The following LEPR variants were observed in gnomAD, a reference collection of about 807,000 sequenced individuals.
LEPR encodes OB receptor.
LEPR carries 56 observed loss-of-function variants against 114.7 expected under a neutral mutation model. That is an observed-to-expected ratio of 0.49 (90% confidence interval 0.39 to 0.61). The LOEUF (loss-of-function observed/expected upper bound fraction) is 0.61, where lower values mean the gene tolerates loss of function less well. Ranked by LOEUF, LEPR falls within the 20% of genes least tolerant of loss-of-function variation. The pLI is 0.00. For missense variants in LEPR, 1,202 were observed against 1,352.9 expected (o/e 0.89, Z 1.75); for synonymous variants, 443 against 461.4 (o/e 0.96, Z 0.51).
chr1:65,434,220 CAG>C, intron 2 of LEPR: 3 of 979,034 alleles, frequency 3.1e-6, no homozygotes, highest in Non-Finnish European at 3.6e-6. Flanking sequence ...ATCATTTAAA[CAG>C]TAAATATTAA....
intron 2 of LEPR, among the ~76,000 whole-genome samples, chr1:65,484,807 G>A (rs1392994703): frequency 6.6e-6 from 1 of 152,178 alleles, no homozygotes. Context: ...GTTATCAGAT[G>A]CATCCTTCAA....
chr1:65,581,735 C>T (rs1033941531), intron 5 of LEPR, among the ~76,000 whole-genome samples: 2 of 152,116 alleles, frequency 1.3e-5, no homozygotes, highest in South Asian at 4.1e-4. Context: ...GTTTAAGGGC[C>T]CTTTCTTCAA....
chr1:65,490,480 G>A (rs1035693004), intron 2 of LEPR, among the ~76,000 whole-genome samples: 7 of 151,874 alleles, frequency 4.6e-5, no homozygotes, highest in Non-Finnish European at 8.8e-5. Context: ...AAATTCCCTT[G>A]GACTTCTTAA....
chr1:65,569,627 A>T (rs1654012752), intron 3 of LEPR, among the ~76,000 whole-genome samples: 2 of 149,888 alleles, frequency 1.3e-5, no homozygotes, highest in South Asian at 2.1e-4. Context: ...GAATTGCTTG[A>T]ACCCGGGAAG....
intron 2 of LEPR, among the ~76,000 whole-genome samples, chr1:65,505,986 A>G (rs1648706694): frequency 1.3e-5 from 2 of 152,186 alleles, no homozygotes; most frequent in Admixed American, 1.3e-4. Context: ...TTGTGAAACA[A>G]TGTTGATAAT....
At chr1:65,627,580 A>G (rs1307058301) in intron 19 of LEPR, among the ~76,000 whole-genome samples, 1 of 152,198 alleles carries the variant, frequency 6.6e-6, no homozygotes, top group Non-Finnish European at 1.5e-5. Flanking sequence ...TAGAATTATT[A>G]TATGATCCAG....
At chr1:65,600,665 A>G (rs1016660877) in intron 8 of LEPR, among the ~76,000 whole-genome samples, 28 of 152,104 alleles carry the variant, frequency 1.8e-4, no homozygotes, top group African/African-American at 6.3e-4. Context: ...TTTGAAAATG[A>G]TAGGCAAATG....
At chr1:65,433,312 C>G in intron 2 of LEPR, 1 of 985,400 alleles carries the variant, frequency 1.0e-6, no homozygotes, top group Non-Finnish European at 1.2e-6. Flanking sequence ...TGTCTTCCGT[C>G]CTGTAGGTCT....
chr1:65,637,061 A>T lies in LEPR; in HGVS notation c.*46A>T. ...GATTTGTGTTATAATGGGTAATATA[A>T]AGTGTAATAGATTATAGTTGTGGGT... is the stretch of plus-strand genomic sequence containing the variant. On this transcript the variant is annotated 3_prime_UTR_variant, in exon 20 of 20. Transcript: ENST00000349533. The T allele has an allele frequency of 1.3e-6, 2 of 1,574,468 alleles. No homozygotes were observed. The highest frequency in any genetic ancestry group is 1.7e-6 in the Non-Finnish European group (2 of 1,155,536).
intron 2 of LEPR, among the ~76,000 whole-genome samples, chr1:65,507,531 A>AAG (rs1648813562): frequency 1.2e-5 from 1 of 83,554 alleles, no homozygotes; most frequent in Non-Finnish European, 2.7e-5. Context: ...GTGTATATAT[A>AAG]TGTGTGTATA....
intron 2 of LEPR, among the ~76,000 whole-genome samples, chr1:65,492,414 T>C (rs796347967): frequency 1.3e-5 from 2 of 152,240 alleles, no homozygotes; most frequent in African/African-American, 4.8e-5. Context: ...ACACTTATTA[T>C]TCACCTACTA....
At position 65,608,880 on chromosome 1, in the gene LEPR, T is replaced by A; in HGVS notation, c.1731T>A (p.Ser577Arg). ...NLQFQIRYGL[S>R]GKEVQWKMYE... ...AATTCCAGATTCGCTATGGTTTAAG[T>A]GGAAAAGAAGTACAATGGAAGGTAC... is the stretch of plus-strand genomic sequence containing the variant. Residue 577 changes from serine (S) to arginine (R), a missense_variant, in exon 12 of 20, where the codon AGT becomes AGA. Coordinates refer to ENST00000349533, the MANE Select transcript of LEPR (RefSeq NM_002303.6). 1 of 1,613,742 alleles carries A rather than the reference T, an allele frequency of 6.2e-7. No individual in the cohort carries two copies. The highest frequency in any genetic ancestry group is 8.5e-7 in the Non-Finnish European group (1 of 1,179,828).
intron 5 of LEPR, among the ~76,000 whole-genome samples, chr1:65,574,398 A>G (rs1433138040): frequency 1.4e-5 from 2 of 139,656 alleles, no homozygotes; most frequent in African/African-American, 5.0e-5. Context: ...AAAGTATAAT[A>G]ATAATAAAAA....
At chr1:65,583,646 C>G (rs147872366) in intron 5 of LEPR, among the ~76,000 whole-genome samples, 1 of 152,126 alleles carries the variant, frequency 6.6e-6, no homozygotes, top group East Asian at 1.9e-4. Flanking sequence ...CAACACTCTT[C>G]AAGGCAAAAT....
intron 2 of LEPR, among the ~76,000 whole-genome samples, chr1:65,539,762 C>T (rs1355949687): frequency 1.3e-5 from 2 of 152,118 alleles, no homozygotes; most frequent in Non-Finnish European, 2.9e-5. Context: ...GCATTTGTGC[C>T]AGATTTTAGA....
chr1:65,621,576 C>A (rs747718614), intron 18 of LEPR, 118 bp downstream of exon 18: 486 of 822,064 alleles, frequency 5.9e-4, no homozygotes, highest in Non-Finnish European at 8.8e-4. Flanking sequence ...TATATGTAGT[C>A]TGTATACAAT....
In LEPR at chr1:65,601,672, A is replaced by G; in HGVS notation, c.1275A>G (p.Leu425=). 3 of 1,613,650 alleles carry G rather than the reference A, an allele frequency of 1.9e-6. No homozygotes were observed. Among genetic ancestry groups the G allele is most frequent in the Non-Finnish European group, 2.5e-6 (3 of 1,179,704 alleles). ...AATGCCATCATCGCTATGCTGAATTATATGTGATTGGTAAGAAAACAGAGG... is the reference window on the plus strand; with the variant it reads ...AATGCCATCATCGCTATGCTGAATTGTATGTGATTGGTAAGAAAACAGAGG... ...EHECHHRYAE[L]YVIDVNINIS... The change falls in exon 9 of 20, where the codon TTA becomes TTG. Residue 425 remains leucine, a synonymous_variant. Transcript: ENST00000349533.
chr1:65,513,156 T>C (rs1435569508), intron 2 of LEPR, among the ~76,000 whole-genome samples: 4 of 152,242 alleles, frequency 2.6e-5, no homozygotes, highest in Non-Finnish European at 5.9e-5. Flanking sequence ...TGAGATACTA[T>C]GATGGTTCCA....
At chr1:65,534,467 C>T (rs146594794) in intron 2 of LEPR, among the ~76,000 whole-genome samples, 110 of 152,190 alleles carry the variant, frequency 7.2e-4, no homozygotes, top group African/African-American at 2.5e-3. Flanking sequence ...AGAGCTTACT[C>T]GGGGCTAAGC....
Sources: gnomAD v4.1 joint callset for allele counts (sites outside exome capture counted in the v4.1 genomes callset) on GRCh38, gnomAD v4.1.1 for gene constraint, MANE v1.5 for transcripts, NCBI Gene and HGNC (gene_info 2026-07-23, HGNC 2026-07-21) for gene names.